The following NDC80 variants were observed in gnomAD, a reference collection of about 807,000 sequenced individuals.
NDC80 encodes the protein kinetochore protein NDC80 homolog.
Under a neutral mutation model 89.3 loss-of-function variants are expected in NDC80, and 69 were observed. That is an observed-to-expected ratio of 0.77 (90% CI 0.64 to 0.94). The LOEUF (loss-of-function observed/expected upper bound fraction) is 0.94, where lower values mean the gene tolerates loss of function less well. Among genes scored for constraint, NDC80 ranks in the 40% least tolerant of loss-of-function variants. The probability of loss-of-function intolerance (pLI) is 0.00; values close to 1 mark genes in which losing one functional copy is unlikely to be tolerated. For synonymous variants in NDC80, 243 were observed against 255.6 expected (o/e 0.95, Z 0.47); for missense variants, 593 against 739.6 (o/e 0.80, Z 2.30).
intron 2 of NDC80, among the ~76,000 whole-genome samples, chr18:2,573,961 G>A (rs2072533113): frequency 6.6e-6 from 1 of 151,844 alleles, no homozygotes; most frequent in African/African-American, 2.4e-5. Context: ...AAATGTAAAT[G>A]TGGTTAAGAT....
intron 6 of NDC80, chr18:2,579,263 G>T (rs2072563767): frequency 2.8e-6 from 1 of 357,698 alleles, no homozygotes; most frequent in Non-Finnish European, 5.0e-6. Flanking sequence ...TCAAAAAAAT[G>T]AGTCAATAGG....
At chr18:2,596,430 C>A (rs1050060978) in intron 11 of NDC80, among the ~76,000 whole-genome samples, 7 of 151,692 alleles carry the variant, frequency 4.6e-5, no homozygotes, top group African/African-American at 1.7e-4. Context: ...AAAAAATGCT[C>A]ACCATCACTG....
intron 3 of NDC80, among the ~76,000 whole-genome samples, chr18:2,576,049 G>A (rs2072545014): frequency 6.6e-6 from 1 of 152,182 alleles, no homozygotes; most frequent in Non-Finnish European, 1.5e-5. Flanking sequence ...CGGTGAGCCA[G>A]GTTAGCACCA....
chr18:2,579,098 C>T (rs1328321187), intron 6 of NDC80, 69 bp downstream of exon 6: 1 of 914,162 alleles, frequency 1.1e-6, no homozygotes. Flanking sequence ...AATATTTTCT[C>T]TCCCAGTCTT....
chr18:2,574,367 G>A (rs909570619), intron 2 of NDC80, among the ~76,000 whole-genome samples: 1 of 152,092 alleles, frequency 6.6e-6, no homozygotes, highest in Admixed American at 6.5e-5. Context: ...GGAGAATATT[G>A]ACTGTTCCCA....
intron 10 of NDC80, chr18:2,594,492 C>A: frequency 6.1e-6 from 1 of 163,284 alleles, no homozygotes; most frequent in African/African-American, 2.4e-5. Context: ...AGAAAAAAAC[C>A]CACTATACTG....
rs747389010 is a variant in NDC80, at chr18:2,575,071, T to C, written c.179+5T>C. On this transcript the variant is annotated splice_donor_5th_base_variant and intron_variant, in intron 3 of 16. Transcript: ENST00000261597. ...AGTCTCGCTATTTGGCAAAAGGTAA[T>C]TATATTTTTCATTAGCTCTAATAAA... 6.3e-7 allele frequency: 1 copy of C among 1,597,224 alleles called. No homozygotes were observed. The highest frequency in any genetic ancestry group is 1.1e-5 in the South Asian group (1 of 89,730).
intron 16 of NDC80, among the ~76,000 whole-genome samples, chr18:2,611,911 C>G (rs2072746430): frequency 6.6e-6 from 1 of 151,530 alleles, no homozygotes; most frequent in African/African-American, 2.4e-5. Flanking sequence ...GTGTGAAGAA[C>G]TAAGAAAAGC....
chr18:2,603,753 T>C (rs944806059), intron 13 of NDC80, among the ~76,000 whole-genome samples: 3 of 151,998 alleles, frequency 2.0e-5, no homozygotes, highest in African/African-American at 7.2e-5. Flanking sequence ...ACCTGAACAA[T>C]AGAAATCCCA....
chr18:2,598,392 A>T (rs994719019), intron 11 of NDC80, among the ~76,000 whole-genome samples: 1 of 152,214 alleles, frequency 6.6e-6, no homozygotes, highest in Admixed American at 6.5e-5. Flanking sequence ...GAAAGTGGAG[A>T]TGAACAAATA....
intron 16 of NDC80, among the ~76,000 whole-genome samples, chr18:2,611,988 A>G (rs1406452458): frequency 3.9e-5 from 6 of 151,958 alleles, no homozygotes; most frequent in African/African-American, 1.5e-4. Context: ...AAGTGTTTCT[A>G]TAACCTTGCC....
At chr18:2,600,320 G>T (rs1046998707) in intron 12 of NDC80, among the ~76,000 whole-genome samples, 1 of 152,120 alleles carries the variant, frequency 6.6e-6, no homozygotes, top group Non-Finnish European at 1.5e-5. Flanking sequence ...TTCTTTAAGA[G>T]ATTTGAGAGG....
At chr18:2,600,467 G>T (rs1469159235) in intron 12 of NDC80, among the ~76,000 whole-genome samples, 1 of 151,948 alleles carries the variant, frequency 6.6e-6, no homozygotes, top group East Asian at 1.9e-4. Context: ...AAACTAGCCG[G>T]GTGTGGTGGT....
intron 10 of NDC80, among the ~76,000 whole-genome samples, chr18:2,592,894 C>G (rs923097851): frequency 4.6e-5 from 7 of 151,824 alleles, no homozygotes; most frequent in Non-Finnish European, 1.0e-4. Context: ...TAATCATGTT[C>G]AATATAGGCC....
intron 16 of NDC80, among the ~76,000 whole-genome samples, 193 bp downstream of exon 16, chr18:2,611,054 T>C (rs1402403471): frequency 6.7e-6 from 1 of 149,730 alleles, no homozygotes; most frequent in Non-Finnish European, 1.5e-5. Flanking sequence ...CATTTTTTTT[T>C]TTTTTTTTTT....
chr18:2,597,829 G>A (rs532143876), intron 11 of NDC80, among the ~76,000 whole-genome samples: 1 of 152,194 alleles, frequency 6.6e-6, no homozygotes, highest in Non-Finnish European at 1.5e-5. Flanking sequence ...GAAAGAGGGA[G>A]GAAGTGGTTG....
intron 2 of NDC80, among the ~76,000 whole-genome samples, chr18:2,573,906 A>G (rs907008639): frequency 6.6e-5 from 10 of 152,274 alleles, no homozygotes; most frequent in South Asian, 2.1e-4. Flanking sequence ...AGATAATGTA[A>G]TAAGTGCAGC....
At chr18:2,599,538 G>A (rs550217893) in intron 12 of NDC80, among the ~76,000 whole-genome samples, 2 of 152,228 alleles carry the variant, frequency 1.3e-5, no homozygotes, top group South Asian at 2.1e-4. Flanking sequence ...GATGGTAACC[G>A]TGGAATGAAA....
intron 7 of NDC80, among the ~76,000 whole-genome samples, chr18:2,587,010 C>T (rs1232524810): frequency 1.3e-5 from 2 of 152,138 alleles, no homozygotes; most frequent in Non-Finnish European, 2.9e-5. Context: ...AAATTCACAG[C>T]AACTGATCTG....
Sources: allele counts gnomAD v4.1 joint callset (sites outside exome capture counted in the v4.1 genomes callset), GRCh38; gene constraint gnomAD v4.1.1; transcripts MANE v1.5; gene names NCBI Gene and HGNC (gene_info 2026-07-23, HGNC 2026-07-21).